Variants in FOCAD observed in about 807,000 individuals in gnomAD.
The protein encoded by FOCAD is focadhesin.
In FOCAD, 198 loss-of-function variants were observed where a neutral mutation model predicts 225.6. The observed-to-expected ratio is 0.88, with a 90% confidence interval of 0.78 to 0.99. The LOEUF (loss-of-function observed/expected upper bound fraction) is 0.99. Among genes scored for constraint, FOCAD ranks in the 50% least tolerant of loss-of-function variants. The pLI is 0.00. For missense variants in FOCAD, 2,713 were observed against 2,123.6 expected, an observed-to-expected ratio of 1.28 and a Z score of -5.46; for synonymous variants, 897 against 755.0, an observed-to-expected ratio of 1.19 and a Z score of -3.08.
intron 5 of FOCAD, among the ~76,000 whole-genome samples, chr9:20,756,215 C>T (rs1029068746): frequency 1.3e-5 from 2 of 152,004 alleles, no homozygotes; most frequent in African/African-American, 4.8e-5. Flanking sequence ...GTAGCATTCC[C>T]GTCAGTCAGA....
intron 11 of FOCAD, among the ~76,000 whole-genome samples, chr9:20,798,438 G>C (rs1446188062): frequency 1.3e-5 from 2 of 152,100 alleles, no homozygotes; most frequent in Admixed American, 1.3e-4. Context: ...GCTCCTCCTT[G>C]TACCTCTGGT....
intron 11 of FOCAD, among the ~76,000 whole-genome samples, chr9:20,792,802 C>T (rs1453322499): frequency 1.3e-5 from 2 of 152,090 alleles, no homozygotes; most frequent in Non-Finnish European, 2.9e-5. Flanking sequence ...GGTTCATGGG[C>T]CATGACTTGC....
intron 11 of FOCAD, among the ~76,000 whole-genome samples, chr9:20,815,232 C>G (rs1293383639): frequency 6.9e-6 from 1 of 143,950 alleles, no homozygotes; most frequent in African/African-American, 2.6e-5. Flanking sequence ...CCTCCTGGTT[C>G]AAGCAATTCT....
At chr9:20,908,758 C>T (rs1007688132) in intron 22 of FOCAD, among the ~76,000 whole-genome samples, 1 of 152,072 alleles carries the variant, frequency 6.6e-6, no homozygotes, top group Non-Finnish European at 1.5e-5. Flanking sequence ...AGTCAGGAAA[C>T]ATAAGATTGC....
intron 35 of FOCAD, among the ~76,000 whole-genome samples, chr9:20,958,548 A>G (rs1180832779): frequency 6.6e-6 from 1 of 152,000 alleles, no homozygotes; most frequent in Non-Finnish European, 1.5e-5. Context: ...GGGAACATTC[A>G]ATTCCTCCTC....
In FOCAD at chr9:20,990,144, A is replaced by G. The variant is rs1587801618; in HGVS notation, c.5026A>G (p.Ile1676Val). The stretch of plus-strand genomic sequence containing the variant: ...GTAGGCTTTGGACTTCTTCTTGCTG[A>G]TATTTGCAACCGCAGTGGTTGCATG... ...LDKALDFFLL[I>V]FATAVVAWAD... Residue 1676 changes from isoleucine (I) to valine (V), a missense_variant, in exon 42 of 44, where the codon ATA (isoleucine) becomes GTA (valine). Coordinates refer to ENST00000338382, the MANE Select transcript of FOCAD (RefSeq NM_001375567.1). 1.2e-6 allele frequency: 2 copies of G among 1,614,142 alleles called. No homozygotes were observed. Among genetic ancestry groups the G allele is most frequent in the Non-Finnish European group, 1.7e-6 (2 of 1,180,000 alleles).
chr9:20,809,534 C>G (rs1183376591), intron 11 of FOCAD, among the ~76,000 whole-genome samples: 1 of 152,124 alleles, frequency 6.6e-6, no homozygotes, highest in Non-Finnish European at 1.5e-5. Flanking sequence ...GAATCTCTCT[C>G]TTCTTCTGAA....
chr9:20,882,828 G>A (rs899258274), intron 20 of FOCAD, among the ~76,000 whole-genome samples: 1 of 152,120 alleles, frequency 6.6e-6, no homozygotes, highest in Non-Finnish European at 1.5e-5. Context: ...AAGCTAAAGA[G>A]CTAAGCTGAA....
chr9:20,660,852 G>A (rs756107313), intron 2 of FOCAD, among the ~76,000 whole-genome samples: 1 of 152,038 alleles, frequency 6.6e-6, no homozygotes, highest in Non-Finnish European at 1.5e-5. Flanking sequence ...AAGAATTATG[G>A]CAGAGAAGGA....
At chr9:20,821,524 G>A (rs1432195148) in intron 14 of FOCAD, among the ~76,000 whole-genome samples, 1 of 152,036 alleles carries the variant, frequency 6.6e-6, no homozygotes, top group Non-Finnish European at 1.5e-5. Flanking sequence ...AGAAAATGAT[G>A]ATGAATTTTT....
At chr9:20,973,941 T>C (rs1840001267) in intron 35 of FOCAD, among the ~76,000 whole-genome samples, 1 of 105,086 alleles carries the variant, frequency 9.5e-6, no homozygotes, top group Non-Finnish European at 2.1e-5. Context: ...GCTTCTCCTT[T>C]TTCCTATGTT....
At chr9:20,694,348 T>C (rs1348918979) in intron 1 of FOCAD, among the ~76,000 whole-genome samples, 2 of 152,222 alleles carry the variant, frequency 1.3e-5, no homozygotes, top group Non-Finnish European at 2.9e-5. Context: ...ATAAAGCTAT[T>C]TTACATTTGA....
At chr9:20,970,367 A>G (rs1839661339) in intron 35 of FOCAD, among the ~76,000 whole-genome samples, 1 of 151,820 alleles carries the variant, frequency 6.6e-6, no homozygotes, top group Non-Finnish European at 1.5e-5. Context: ...TTAGGCTCAT[A>G]CTTTTCGTCT....
chr9:20,882,266 A>G (rs1378151008), intron 20 of FOCAD, among the ~76,000 whole-genome samples: 2 of 152,206 alleles, frequency 1.3e-5, no homozygotes, highest in Non-Finnish European at 2.9e-5. Context: ...TCAGCATAAC[A>G]TTTTAGAACT....
intron 1 of FOCAD, chr9:20,658,532 C>G (rs1315605776): frequency 1.3e-5 from 2 of 154,668 alleles, no homozygotes; most frequent in African/African-American, 4.8e-5. Flanking sequence ...GTGGGAGTGA[C>G]CCGATTTTCT....
intron 1 of FOCAD, among the ~76,000 whole-genome samples, chr9:20,685,861 C>A (rs1822634285): frequency 6.6e-6 from 1 of 152,154 alleles, no homozygotes; most frequent in South Asian, 2.1e-4. Context: ...TCAGGAGGAG[C>A]TGGAGGAGGC....
At chr9:20,985,305 A>C (rs946955088) in intron 39 of FOCAD, among the ~76,000 whole-genome samples, 1 of 152,236 alleles carries the variant, frequency 6.6e-6, no homozygotes, top group Non-Finnish European at 1.5e-5. Flanking sequence ...AATGTTGACA[A>C]TATAAAATAA....
chr9:20,900,607 C>T (rs142272158), intron 21 of FOCAD, among the ~76,000 whole-genome samples: 1,552 of 151,964 alleles, frequency 0.01, 6 homozygotes, highest in Non-Finnish European at 0.016. Context: ...ATAATGTTAG[C>T]ATCTGTGCAA....
intron 5 of FOCAD, among the ~76,000 whole-genome samples, chr9:20,749,334 G>A (rs930406381): frequency 6.6e-6 from 1 of 152,114 alleles, no homozygotes; most frequent in Non-Finnish European, 1.5e-5. Flanking sequence ...TGCTTTGCTC[G>A]AAGTCTTTCT....
Sources: allele counts gnomAD v4.1 joint callset (sites outside exome capture counted in the v4.1 genomes callset), GRCh38; gene constraint gnomAD v4.1.1; transcripts MANE v1.5; gene names NCBI Gene and HGNC (gene_info 2026-07-23, HGNC 2026-07-21).